ZC3H4: variants seen among roughly 807,000 people sequenced by gnomAD.
The protein encoded by ZC3H4 is zinc finger CCCH domain-containing protein 4.
In ZC3H4, 13 loss-of-function variants were observed where a neutral mutation model predicts 108.3. The ratio of observed to expected loss-of-function variants is 0.12; its 90% CI spans 0.08 to 0.19. The LOEUF (loss-of-function observed/expected upper bound fraction) is 0.19. Ranked by LOEUF, ZC3H4 falls within the 10% of genes least tolerant of loss-of-function variation. The pLI, the probability that ZC3H4 is intolerant of heterozygous loss-of-function variation, is 1.00. For synonymous variants in ZC3H4, 917 were observed against 749.6 expected (o/e 1.22, Z -3.65); for missense variants, 1,734 against 1,838.8 (o/e 0.94, Z 1.04).
chr19:47,098,711 C>A (rs2057861283), intron 2 of ZC3H4, among the ~76,000 whole-genome samples: 1 of 152,122 alleles, frequency 6.6e-6, no homozygotes, highest in African/African-American at 2.4e-5. Context: ...TTGCAGTGAG[C>A]CAAGATCGCG....
At chr19:47,100,604 G>A (rs986881294) in intron 2 of ZC3H4, among the ~76,000 whole-genome samples, 1 of 151,784 alleles carries the variant, frequency 6.6e-6, no homozygotes, top group African/African-American at 2.4e-5. Flanking sequence ...GACGATAGGA[G>A]AAATTGGAGC....
At position 47,066,536 on chromosome 19, in the gene ZC3H4, CTGGGGTGGGGCACCCTCGGGGGG is replaced by C; in HGVS notation, c.3709_3731del (p.Pro1237AlafsTer37). On this transcript the variant is annotated frameshift_variant, in exon 15 of 15. Coordinates refer to ENST00000253048, the MANE Select transcript of ZC3H4 (RefSeq NM_015168.2). LOFTEE classifies it high-confidence loss of function. ...GCACGGGCAGGTTGTGCACCCCGGG[CTGGGGTGGGGCACCCTCGGGGGG>C]TGGGGTGGCGGTGGTGGCAGCGGGG... 2 of 1,559,708 alleles carry C rather than the reference CTGGGGTGGGGCACCCTCGGGGGG, an allele frequency of 1.3e-6. No homozygotes were observed. Among genetic ancestry groups the C allele is most frequent in the African/African-American group, 1.3e-5 (1 of 74,216 alleles).
chr19:47,109,950 C>CG (rs1301325793), intron 2 of ZC3H4, among the ~76,000 whole-genome samples: 3 of 152,010 alleles, frequency 2.0e-5, no homozygotes, highest in Non-Finnish European at 2.9e-5. Flanking sequence ...ACGTGGAGGC[C>CG]GGGGGGACTG....
intron 2 of ZC3H4, chr19:47,096,746 T>C: frequency 2.1e-6 from 2 of 949,494 alleles, no homozygotes; most frequent in South Asian, 9.8e-5. Flanking sequence ...AGGGACATGA[T>C]CACCACCCAG....
chr19:47,084,909 C>A, intron 8 of ZC3H4, 147 bp downstream of exon 8: 1 of 1,064,078 alleles, frequency 9.4e-7, no homozygotes, highest in Non-Finnish European at 1.4e-6. Flanking sequence ...CTCTAGTTGT[C>A]GCTGGTTATG....
Position 47,071,852 on chromosome 19 carries a change from G to A in ZC3H4, c.2072C>T (p.Ala691Val), listed in dbSNP as rs1284442832. Reference sequence around the variant, plus strand: ...GTAGAAGTTTTCATAGAAGTTCTGGGCTGGCGGGATAGGGGGCATCATTCC... The same window carrying A: ...GTAGAAGTTTTCATAGAAGTTCTGGACTGGCGGGATAGGGGGCATCATTCC... ...HSGMMPPIPP[A>V]QNFYENFYQQ... is the part of the protein sequence containing the mutation. The change falls in exon 13 of 15, where the codon GCC becomes GTC. Residue 691 changes from alanine to valine, a missense_variant. By Grantham distance (64) the Ala-to-Val change is moderately conservative. Transcript: ENST00000253048. 6.2e-7 allele frequency: 1 copy of A among 1,613,592 alleles called. No homozygotes were observed. Among genetic ancestry groups the A allele is most frequent in the Non-Finnish European group, 8.5e-7 (1 of 1,179,938 alleles).
chr19:47,068,753 C>T (rs549363033), intron 14 of ZC3H4, among the ~76,000 whole-genome samples: 8 of 152,312 alleles, frequency 5.3e-5, no homozygotes, highest in Admixed American at 2.0e-4. Flanking sequence ...CTTGAGAACA[C>T]GGTAGGAAAA....
chr19:47,066,267 C>T lies in ZC3H4; in HGVS notation c.*89G>A. The T allele has an allele frequency of 1.9e-5, 20 of 1,056,778 alleles. No individual in the cohort carries two copies. The highest frequency in any genetic ancestry group is 2.6e-5 in the Non-Finnish European group (20 of 777,252). The allele number at this position is 1,056,778 out of a possible 1,614,324, so 65.5% of individuals were successfully genotyped here. A position where few individuals can be genotyped will look rare whatever the true frequency, so the allele number is the denominator to read the frequency against. ...AAAGAAAAAAGGAACACCCAGCCTG[C>T]CTCCCCTTGCCCCCAAGTTCCCTAC... On this transcript the variant is annotated 3_prime_UTR_variant, in exon 15 of 15. Coordinates refer to ENST00000253048, the MANE Select transcript of ZC3H4 (RefSeq NM_015168.2).
Position 47,066,708 on chromosome 19 carries a change from T to C in ZC3H4, c.3560A>G (p.Glu1187Gly). 1 of 1,608,978 alleles carries C rather than the reference T, an allele frequency of 6.2e-7. No homozygotes were observed. The highest frequency in any genetic ancestry group is 8.5e-7 in the Non-Finnish European group (1 of 1,178,730). ...GGCAGACTTGCGGACGAACGGGGGC[T>C]CCTTAGCCTTGGAGGCCGAGCTCTT... ...NGKSSASKAK[E>G]PPFVRKSALE... Residue 1187 changes from glutamate (E) to glycine (G), a missense_variant, in exon 15 of 15, where the codon GAG becomes GGG. Around this residue, in one of 9 missense-constraint regions of ZC3H4, gnomAD observed 518 missense variants for 499.6 expected, o/e 1.04. Transcript: ENST00000253048.
At chr19:47,101,567 AAAGTT>A (rs936946123) in intron 2 of ZC3H4, among the ~76,000 whole-genome samples, 18 of 151,980 alleles carry the variant, frequency 1.2e-4, no homozygotes, top group African/African-American at 3.9e-4. Flanking sequence ...TCCATAATAA[AAAGTT>A]AAGAAAGAAA....
rs1000576374 is a variant in ZC3H4 at position 47,092,900 on chromosome 19, C to A, written c.492+1070G>T. On this transcript the variant is annotated intron_variant, in intron 4 of 14. Coordinates refer to ENST00000253048, the MANE Select transcript of ZC3H4 (RefSeq NM_015168.2). ...CCAAACCCGGACACCCACGTGCCAACGAATACTGGGTAAAGTAATCATAAG... is the reference window on the plus strand; with the variant it reads ...CCAAACCCGGACACCCACGTGCCAAAGAATACTGGGTAAAGTAATCATAAG... 4.0e-5 allele frequency among the ~76,000 whole-genome samples: 6 copies of A among 151,692 alleles called. No homozygotes were observed. The South Asian group carries it at 1.3e-3, about 32-fold the overall frequency.
intron 13 of ZC3H4, among the ~76,000 whole-genome samples, chr19:47,070,815 C>T (rs983888316): frequency 3.3e-5 from 5 of 152,188 alleles, no homozygotes; most frequent in South Asian, 2.1e-4. Context: ...GCACGTCCAG[C>T]GCCCCATCCT....
At chr19:47,092,934 C>A (rs1334701959) in intron 4 of ZC3H4, among the ~76,000 whole-genome samples, 1 of 152,012 alleles carries the variant, frequency 6.6e-6, no homozygotes, top group East Asian at 1.9e-4. Context: ...AGATGATTTG[C>A]GGCCGGGCGC....
chr19:47,075,179 C>T (rs995254913), intron 11 of ZC3H4, among the ~76,000 whole-genome samples: 2 of 152,132 alleles, frequency 1.3e-5, no homozygotes, highest in South Asian at 4.1e-4. Flanking sequence ...GAAAACGACG[C>T]GGTGGAACCC....
intron 2 of ZC3H4, chr19:47,110,792 G>GT (rs2058028931): frequency 1.6e-6 from 1 of 611,658 alleles, no homozygotes; most frequent in African/African-American, 2.0e-5. Context: ...TTGCTAATCT[G>GT]TTTATTTCCT....
intron 13 of ZC3H4, among the ~76,000 whole-genome samples, chr19:47,069,910 G>T (rs2057295854): frequency 6.6e-6 from 1 of 152,164 alleles, no homozygotes; most frequent in South Asian, 2.1e-4. Context: ...GCATTAGGGG[G>T]TGTCTCAGGA....
At chr19:47,092,052 T>G (rs971058900) in intron 4 of ZC3H4, among the ~76,000 whole-genome samples, 2 of 151,356 alleles carry the variant, frequency 1.3e-5, no homozygotes, top group African/African-American at 4.9e-5. Context: ...CTACCAAAAG[T>G]ACAAAAATTA....
chr19:47,086,635 A>AGCC (rs1292512005), intron 5 of ZC3H4, 97 bp from the exon 6 acceptor site: 6 of 1,450,506 alleles, frequency 4.1e-6, no homozygotes, highest in Non-Finnish European at 5.4e-6. Context: ...CAATCACTTC[A>AGCC]GCTGCCTCCT....
chr19:47,066,197 C>CTACTT lies in ZC3H4; in HGVS notation c.*154_*158dup, dbSNP rs2057190291. Reference sequence around the variant, plus strand: ...CAATTTACAAATCTCAAAGAAAGTACTACTTTAAAAAAAAATAAAAGAGAC... The same window carrying CTACTT: ...CAATTTACAAATCTCAAAGAAAGTACTACTTTACTTTAAAAAAAAATAAAAGAGAC... On this transcript the variant is annotated 3_prime_UTR_variant, in exon 15 of 15. Transcript: ENST00000253048. 1.7e-6 allele frequency: 1 copy of CTACTT among 578,650 alleles called. No individual in the cohort carries two copies. The highest frequency in any genetic ancestry group is 1.9e-5 in the African/African-American group (1 of 51,600). The allele number at this position is 578,650 out of a possible 1,614,324, so 35.8% of individuals were successfully genotyped here. A position where few individuals can be genotyped will look rare whatever the true frequency, so the allele number is the denominator to read the frequency against.
Sources: gnomAD v4.1 joint callset for allele counts (sites outside exome capture counted in the v4.1 genomes callset) on GRCh38, gnomAD v4.1.1 for gene constraint, gnomAD v4.1.1 regional missense constraint, MANE v1.5 for transcripts, NCBI Gene and HGNC (gene_info 2026-07-23, HGNC 2026-07-21) for gene names.